Variants in ASIC2 observed in about 807,000 individuals in gnomAD.
ASIC2 encodes acid-sensing ion channel 2.
In ASIC2, 25 loss-of-function variants were observed where a neutral mutation model predicts 57.3. The observed-to-expected ratio is 0.44, with a 90% CI of 0.32 to 0.61. ASIC2 has a LOEUF of 0.61. Among genes scored for constraint, ASIC2 ranks in the 20% least tolerant of loss-of-function variants. The pLI is 0.06. For missense variants in ASIC2, 641 were observed against 738.1 expected, an observed-to-expected ratio of 0.87 and a Z score of 1.52; for synonymous variants, 319 against 307.5, an observed-to-expected ratio of 1.04 and a Z score of -0.39.
chr17:33,705,127 G>T (rs1257032666), intron 1 of ASIC2, among the ~76,000 whole-genome samples: 1 of 152,114 alleles, frequency 6.6e-6, no homozygotes, highest in South Asian at 2.1e-4. Flanking sequence ...GCCAAAGCAT[G>T]AAATTTTTCT....
intron 1 of ASIC2, among the ~76,000 whole-genome samples, chr17:33,658,709 C>A (rs1347898457): frequency 6.6e-6 from 1 of 152,154 alleles, no homozygotes. Context: ...CTAAAGGCCC[C>A]ACCTTGGCTG....
At chr17:33,056,281 G>A (rs1379568824) in intron 3 of ASIC2, among the ~76,000 whole-genome samples, 1 of 152,202 alleles carries the variant, frequency 6.6e-6, no homozygotes, top group African/African-American at 2.4e-5. Flanking sequence ...ACAGCTGAGT[G>A]TATGAAATTC....
rs1377145416 is a variant in ASIC2, at chr17:33,255,596, G to A, written c.708+35812C>T. 2.1e-5 allele frequency among the ~76,000 whole-genome samples: 3 copies of A among 139,720 alleles called. No individual in the cohort carries two copies. The East Asian group carries it at 7.3e-4, about 34-fold the overall frequency. The allele number at this position is 139,720 out of a possible 152,430, so 91.7% of individuals were successfully genotyped here. On this transcript the variant is annotated intron_variant, in intron 1 of 9. Coordinates refer to ENST00000225823, the MANE Select transcript of ASIC2 (RefSeq NM_183377.2). Reference sequence around the variant, plus strand: ...TACATCAAGAGGAGGGGGGATCGGAGGGACGGGGGGGTGGAGGAGTCAGAT... The same window carrying A: ...TACATCAAGAGGAGGGGGGATCGGAAGGACGGGGGGGTGGAGGAGTCAGAT...
rs376607641 is a variant in ASIC2 at position 33,708,345 on chromosome 17, A to T, written c.555+447633T>A. 9.9e-5 allele frequency among the ~76,000 whole-genome samples: 15 copies of T among 152,236 alleles called. No homozygotes were observed. In the East Asian group the frequency reaches 2.5e-3, roughly 26 times the overall value. On this transcript the variant is annotated intron_variant, in intron 1 of 9. Transcript: ENST00000359872. Reference sequence around the variant, plus strand: ...ATGCAAAGTTAAATTTTAGTTATCCATCTGTCTTCTAACATCCAAAGTTAT... The same window carrying T: ...ATGCAAAGTTAAATTTTAGTTATCCTTCTGTCTTCTAACATCCAAAGTTAT...
intron 1 of ASIC2, among the ~76,000 whole-genome samples, chr17:33,786,935 C>A (rs1364926777): frequency 1.3e-5 from 2 of 152,226 alleles, no homozygotes; most frequent in Non-Finnish European, 2.9e-5. Flanking sequence ...CAAGCACATA[C>A]TTTCATACTG....
At position 33,920,587 on chromosome 17, in the gene ASIC2, A is replaced by G. The variant is rs1032995374; in HGVS notation, c.555+235391T>C. On this transcript the variant is annotated intron_variant, in intron 1 of 9. Transcript: ENST00000359872. ...GAGACAGGGAGGGGGACAAAGGGTG[A>G]AAAATGACCTATCGGGTACTATGCT... Among the ~76,000 whole-genome samples the G allele has an allele frequency of 2.6e-5, 4 of 152,192 alleles. No individual in the cohort carries two copies. The South Asian group carries it at 8.3e-4, about 32-fold the overall frequency.
At chr17:33,595,934 A>G (rs548089199) in intron 1 of ASIC2, among the ~76,000 whole-genome samples, 1 of 152,284 alleles carries the variant, frequency 6.6e-6, no homozygotes, top group East Asian at 1.9e-4. Flanking sequence ...TTGCAAGCTA[A>G]ATAGTTCCTC....
In ASIC2 at chr17:34,015,512, A is replaced by G. The variant is rs200606692; in HGVS notation, c.555+140466T>C. On this transcript the variant is annotated intron_variant, in intron 1 of 9. Coordinates refer to the ASIC2 transcript ENST00000359872. The stretch of plus-strand genomic sequence containing the variant: ...CTCAGCTTCATGAGGCCCAGGGGCG[A>G]GGCTCTGCTACAGAGCATCTGCTCT... 6.6e-5 allele frequency among the ~76,000 whole-genome samples: 10 copies of G among 152,342 alleles called. No individual in the cohort carries two copies. In the East Asian group the frequency reaches 1.7e-3, roughly 26 times the overall value.
chr17:33,973,552 C>T (rs1280741144), intron 1 of ASIC2, among the ~76,000 whole-genome samples: 1 of 152,138 alleles, frequency 6.6e-6, no homozygotes, highest in Non-Finnish European at 1.5e-5. Context: ...CAGGAGCGCT[C>T]TAACTTTCAA....
chr17:33,140,597 G>A (rs898970453), intron 1 of ASIC2, among the ~76,000 whole-genome samples: 2 of 152,200 alleles, frequency 1.3e-5, no homozygotes, highest in African/African-American at 4.8e-5. Flanking sequence ...CTCCACCCAA[G>A]GGGCCAGAGA....
At chr17:33,391,966 A>C (rs1909907383) in intron 1 of ASIC2, among the ~76,000 whole-genome samples, 1 of 152,068 alleles carries the variant, frequency 6.6e-6, no homozygotes, top group Non-Finnish European at 1.5e-5. Flanking sequence ...TTGATTCCAA[A>C]ATTTTTGCTT....
chr17:33,586,267 T>C (rs1181603138), intron 1 of ASIC2, among the ~76,000 whole-genome samples: 1 of 152,206 alleles, frequency 6.6e-6, no homozygotes, highest in Non-Finnish European at 1.5e-5. Context: ...TGGGTTCTCA[T>C]ATTTTATATT....
intron 1 of ASIC2, among the ~76,000 whole-genome samples, chr17:33,939,003 C>A (rs1273958396): frequency 6.6e-6 from 1 of 152,214 alleles, no homozygotes; most frequent in Non-Finnish European, 1.5e-5. Context: ...TGGGCACTGC[C>A]CGGGGCCAGC....
Position 33,027,175 on chromosome 17 carries a change from C to T in ASIC2, c.1138+1067G>A, listed in dbSNP as rs549058789. Among the ~76,000 whole-genome samples the T allele has an allele frequency of 1.5e-3, 226 of 152,276 alleles. 1 individual carries two copies. Among genetic ancestry groups the T allele is most frequent in the African/African-American group, 4.9e-3 (204 of 41,560 alleles). On this transcript the variant is annotated intron_variant, in intron 4 of 9. Coordinates refer to ENST00000225823, the MANE Select transcript of ASIC2 (RefSeq NM_183377.2). ...CCCACATGCATCGACTACCCACATTCTTCCATCTTCAAAGTGAACAAGTTT... is the reference window on the plus strand; with the variant it reads ...CCCACATGCATCGACTACCCACATTTTTCCATCTTCAAAGTGAACAAGTTT...
At chr17:33,967,358 C>T (rs578053272) in intron 1 of ASIC2, among the ~76,000 whole-genome samples, 2 of 152,274 alleles carry the variant, frequency 1.3e-5, no homozygotes, top group South Asian at 4.1e-4. Context: ...ACCTCAGCCT[C>T]CCAAGTAGCT....
intron 1 of ASIC2, among the ~76,000 whole-genome samples, chr17:33,700,364 A>C (rs924562643): frequency 1.3e-5 from 2 of 152,162 alleles, no homozygotes; most frequent in Non-Finnish European, 2.9e-5. Context: ...TCTGTTCAGG[A>C]AATTAACACA....
chr17:34,007,382 T>C (rs1218302830), intron 1 of ASIC2, among the ~76,000 whole-genome samples: 3 of 152,188 alleles, frequency 2.0e-5, no homozygotes, highest in Non-Finnish European at 4.4e-5. Flanking sequence ...GTGAAGTGAA[T>C]GGAAATTCAC....
intron 1 of ASIC2, among the ~76,000 whole-genome samples, chr17:33,429,515 C>T (rs922613350): frequency 6.6e-5 from 10 of 152,120 alleles, no homozygotes; most frequent in Non-Finnish European, 7.4e-5. Context: ...CTCAGCCTCC[C>T]GAGTAGCTGG....
chr17:33,254,746 G>A (rs1908999519), intron 1 of ASIC2, among the ~76,000 whole-genome samples: 1 of 152,068 alleles, frequency 6.6e-6, no homozygotes, highest in Non-Finnish European at 1.5e-5. Context: ...AAGGATATTT[G>A]ATCCACAGGA....
Sources: gnomAD v4.1 joint callset for allele counts (sites outside exome capture counted in the v4.1 genomes callset) on GRCh38, gnomAD v4.1.1 for gene constraint, MANE v1.5 for transcripts, NCBI Gene and HGNC (gene_info 2026-07-23, HGNC 2026-07-21) for gene names.